The following TAFA5 variants were observed in gnomAD, a reference collection of about 807,000 sequenced individuals.
The protein encoded by TAFA5 is chemokine-like protein TAFA-5.
Under a neutral mutation model 15.3 loss-of-function variants are expected in TAFA5, and 6 were observed. The ratio of observed to expected loss-of-function variants is 0.39; its 90% CI spans 0.21 to 0.77. The LOEUF is 0.77. Among genes scored for constraint, TAFA5 ranks in the 30% least tolerant of loss-of-function variants. The pLI, the probability that TAFA5 is intolerant of heterozygous loss-of-function variation, is 0.41. For missense variants in TAFA5, 161 were observed against 193.1 expected (o/e 0.83, Z 0.98); for synonymous variants, 103 against 80.7 (o/e 1.28, Z -1.48).
chr22:48,614,605 T>G (rs2147176465), intron 1 of TAFA5, among the ~76,000 whole-genome samples: 1 of 152,320 alleles, frequency 6.6e-6, no homozygotes, highest in South Asian at 2.1e-4. Context: ...AGACTCACAC[T>G]GTGCCTGGTG....
At chr22:48,492,677 G>A (rs999677853) in intron 1 of TAFA5, among the ~76,000 whole-genome samples, 9 of 152,184 alleles carry the variant, frequency 5.9e-5, no homozygotes, top group African/African-American at 2.2e-4. Flanking sequence ...GGGGAAAGGG[G>A]CCCTGGATGG....
At chr22:48,577,274 G>A (rs1923847299) in intron 1 of TAFA5, among the ~76,000 whole-genome samples, 1 of 152,176 alleles carries the variant, frequency 6.6e-6, no homozygotes, top group Non-Finnish European at 1.5e-5. Context: ...GGGGTTGGGG[G>A]CAGGGCCACA....
intron 1 of TAFA5, among the ~76,000 whole-genome samples, chr22:48,577,480 G>A (rs1178739625): frequency 1.3e-5 from 2 of 152,204 alleles, no homozygotes; most frequent in Non-Finnish European, 2.9e-5. Context: ...TAGTGCTCTG[G>A]CACACAGGCT....
rs148155738 is a variant in TAFA5 at position 48,714,311 on chromosome 22, G to T, written c.390+6467G>T. ...CAAACTCAGCAAGACAGGTCTGGAA[G>T]GATGGGAGCGGGTGGACGGAGCTGA... On this transcript the variant is annotated intron_variant, in intron 3 of 3. Coordinates refer to ENST00000402357, the MANE Select transcript of TAFA5 (RefSeq NM_001082967.3). 1.1e-4 allele frequency among the ~76,000 whole-genome samples: 17 copies of T among 152,380 alleles called. No homozygotes were observed. In the East Asian group the frequency reaches 2.5e-3, roughly 22 times the overall value.
At chr22:48,744,706 T>C (rs570152689) in intron 3 of TAFA5, among the ~76,000 whole-genome samples, 1 of 152,302 alleles carries the variant, frequency 6.6e-6, no homozygotes, top group Non-Finnish European at 1.5e-5. Flanking sequence ...ACGAACATCT[T>C]TTTCTCTGTG....
At chr22:48,705,197 G>T (rs5771977) in intron 2 of TAFA5, among the ~76,000 whole-genome samples, 1 of 152,062 alleles carries the variant, frequency 6.6e-6, no homozygotes, top group African/African-American at 2.4e-5. Flanking sequence ...AGCCATGCCC[G>T]GCTGGTGGAC....
At chr22:48,506,948 A>G (rs1921012371) in intron 1 of TAFA5, among the ~76,000 whole-genome samples, 1 of 152,214 alleles carries the variant, frequency 6.6e-6, no homozygotes, top group African/African-American at 2.4e-5. Flanking sequence ...TGCAGAAGGC[A>G]TCCCCTCCAG....
intron 3 of TAFA5, among the ~76,000 whole-genome samples, chr22:48,722,129 T>C (rs1929586643): frequency 6.6e-6 from 1 of 152,210 alleles, no homozygotes; most frequent in Non-Finnish European, 1.5e-5. Flanking sequence ...TCTTCCACAA[T>C]AGTTGAACTA....
chr22:48,670,507 G>A (rs980917446), intron 2 of TAFA5, among the ~76,000 whole-genome samples: 7 of 152,210 alleles, frequency 4.6e-5, no homozygotes, highest in Admixed American at 4.6e-4. Flanking sequence ...GAGAGCTGCC[G>A]GCTGGGCTCA....
At chr22:48,500,189 A>G (rs1344727510) in intron 1 of TAFA5, among the ~76,000 whole-genome samples, 1 of 152,112 alleles carries the variant, frequency 6.6e-6, no homozygotes, top group African/African-American at 2.4e-5. Flanking sequence ...GCAGGGTTGT[A>G]CAGTTCTGTA....
At chr22:48,637,965 T>G (rs1490625234) in intron 1 of TAFA5, among the ~76,000 whole-genome samples, 1 of 152,160 alleles carries the variant, frequency 6.6e-6, no homozygotes, top group South Asian at 2.1e-4. Flanking sequence ...CGGGGGTCAC[T>G]GCAGAGGGAG....
At chr22:48,608,291 C>T (rs975049673) in intron 1 of TAFA5, among the ~76,000 whole-genome samples, 13 of 152,358 alleles carry the variant, frequency 8.5e-5, no homozygotes, top group African/African-American at 1.7e-4. Context: ...TTCTCGCTAT[C>T]CAGCACCGTA....
chr22:48,524,134 C>T (rs978356992), intron 1 of TAFA5, among the ~76,000 whole-genome samples: 1 of 152,246 alleles, frequency 6.6e-6, no homozygotes, highest in Non-Finnish European at 1.5e-5. Flanking sequence ...TTTCTCTCCT[C>T]CCTCCCGTCT....
chr22:48,728,083 T>C (rs573757043), intron 3 of TAFA5, among the ~76,000 whole-genome samples: 2 of 152,316 alleles, frequency 1.3e-5, no homozygotes, highest in South Asian at 2.1e-4. Flanking sequence ...TTAACTAAAA[T>C]TGAATTTGAG....
intron 1 of TAFA5, among the ~76,000 whole-genome samples, chr22:48,542,610 GTGTGTGTGTGGTGTGTGTGGGTGTGTGA>G (rs1922482507): frequency 3.5e-5 from 4 of 114,142 alleles, no homozygotes; most frequent in Non-Finnish European, 1.8e-5. Flanking sequence ...TGTGTGTGTG[GTGTGTGTGTGGTGTGTGTGGGTGTGTGA>G]TGTGTGTGTG....
chr22:48,522,984 C>T (rs1192721435), intron 1 of TAFA5, among the ~76,000 whole-genome samples: 4 of 152,230 alleles, frequency 2.6e-5, no homozygotes, highest in African/African-American at 4.8e-5. Flanking sequence ...GAAGGGGCTG[C>T]GGCAGCTGGA....
chr22:48,740,761 G>A (rs1177889671), intron 3 of TAFA5, among the ~76,000 whole-genome samples: 4 of 152,286 alleles, frequency 2.6e-5, no homozygotes, highest in Non-Finnish European at 4.4e-5. Flanking sequence ...TGGTGGCTGC[G>A]ATGTGGCCTC....
chr22:48,569,487 G>C (rs1923511807), intron 1 of TAFA5, among the ~76,000 whole-genome samples: 1 of 152,108 alleles, frequency 6.6e-6, no homozygotes, highest in Non-Finnish European at 1.5e-5. Context: ...CCAAGGACAT[G>C]GGGAGTGTGG....
chr22:48,668,825 G>A (rs1308373546), intron 2 of TAFA5, among the ~76,000 whole-genome samples: 2 of 152,236 alleles, frequency 1.3e-5, no homozygotes, highest in Non-Finnish European at 2.9e-5. Context: ...CTGGCACCAG[G>A]ATTAACTTCC....
Sources: allele counts gnomAD v4.1 joint callset (sites outside exome capture counted in the v4.1 genomes callset), GRCh38; gene constraint gnomAD v4.1.1; transcripts MANE v1.5; gene names NCBI Gene and HGNC (gene_info 2026-07-23, HGNC 2026-07-21).